The following RCBTB2 variants were observed in gnomAD, a reference collection of about 807,000 sequenced individuals.
RCBTB2 encodes the protein RCC1 and BTB domain-containing protein 2.
A neutral mutation model predicts 65.4 loss-of-function variants in RCBTB2; 55 were observed. The ratio of observed to expected loss-of-function variants is 0.84; its 90% CI spans 0.68 to 1.05. RCBTB2 has a LOEUF of 1.05. Ranked by LOEUF, RCBTB2 falls within the 50% of genes least tolerant of loss-of-function variation. The pLI, the probability that RCBTB2 is intolerant of heterozygous loss-of-function variation, is 0.00. For synonymous variants in RCBTB2, 220 were observed against 255.2 expected (o/e 0.86, Z 1.31); for missense variants, 599 against 680.1 (o/e 0.88, Z 1.33).
intron 4 of RCBTB2, among the ~76,000 whole-genome samples, chr13:48,521,429 TAAC>T (rs1362672848): frequency 6.6e-6 from 1 of 152,198 alleles, no homozygotes; most frequent in Non-Finnish European, 1.5e-5. Context: ...GTGAGGCTTT[TAAC>T]AACAACTGGA....
Position 48,510,697 on chromosome 13 carries a change from A to T in RCBTB2, c.858T>A (p.Tyr286Ter). ...GQVYAWGANS[Y>*]GQLGTGNKSN... ...TTTTATTGCCAGTGCCCAACTGCCC[A>T]TAAGAATTGGCGCCCCAAGCATACA... The change falls in exon 10 of 15, where the codon TAT (tyrosine) becomes TAA (stop). Residue 286 changes from tyrosine to a stop codon, truncating the protein, a stop_gained. Coordinates refer to ENST00000344532, the MANE Select transcript of RCBTB2 (RefSeq NM_001268.4). LOFTEE classifies it high-confidence loss of function. The T allele has an allele frequency of 1.2e-6, 2 of 1,614,228 alleles. No homozygotes were observed. Among genetic ancestry groups the T allele is most frequent in the South Asian group, 2.2e-5 (2 of 91,078 alleles).
chr13:48,521,782 C>T (rs1420282183), intron 4 of RCBTB2, 116 bp downstream of exon 4: 2 of 898,598 alleles, frequency 2.2e-6, no homozygotes, highest in Non-Finnish European at 3.6e-6. Context: ...CACTGTGAGC[C>T]CCTCAAAGAT....
At chr13:48,504,997 C>T (rs1475519698) in intron 10 of RCBTB2, among the ~76,000 whole-genome samples, 1 of 151,586 alleles carries the variant, frequency 6.6e-6, no homozygotes, top group Non-Finnish European at 1.5e-5. Flanking sequence ...CGATGGCCCA[C>T]AGTGGAGAGC....
chr13:48,489,787 G>T lies in RCBTB2; in HGVS notation c.*324C>A. ...TGTGGTATCAGCCAGCTGAATAATG[G>T]AACATTTGGGCCAGAATAGCATATA... On this transcript the variant is annotated 3_prime_UTR_variant, in exon 15 of 15. Coordinates refer to ENST00000344532, the MANE Select transcript of RCBTB2 (RefSeq NM_001268.4). 1 of 318,368 alleles carries T rather than the reference G, an allele frequency of 3.1e-6. No individual in the cohort carries two copies. Among genetic ancestry groups the T allele is most frequent in the Non-Finnish European group, 5.9e-6 (1 of 168,768 alleles). The allele number at this position is 318,368 out of a possible 1,614,324, so 19.7% of individuals were successfully genotyped here.
intron 10 of RCBTB2, chr13:48,504,426 A>G: frequency 1.6e-6 from 1 of 638,238 alleles, no homozygotes; most frequent in South Asian, 7.0e-5. Flanking sequence ...TTGACCTTCA[A>G]TGACTTCATA....
intron 6 of RCBTB2, among the ~76,000 whole-genome samples, 192 bp downstream of exon 6, chr13:48,515,013 C>T (rs9331992): frequency 0.011 from 1,691 of 152,324 alleles, 23 homozygotes; most frequent in African/African-American, 0.039. Context: ...ATTCATACAT[C>T]TAAAATGCCA....
rs907769165 is a variant in RCBTB2 at position 48,489,584 on chromosome 13, C to A, written c.*527G>T. On this transcript the variant is annotated 3_prime_UTR_variant, in exon 15 of 15. Coordinates refer to ENST00000344532, the MANE Select transcript of RCBTB2 (RefSeq NM_001268.4). ...AGAAGAATATGAACCTCAATAATTA[C>A]AGGCTGTTTTAAGTTTATTTTGTGA... 1 of 152,332 alleles carries A rather than the reference C, an allele frequency of 6.6e-6. No homozygotes were observed. The highest frequency in any genetic ancestry group is 2.4e-5 in the African/African-American group (1 of 41,454). 9.4% of individuals were successfully genotyped at this position (152,332 alleles called of 1,614,324 possible). A position where few individuals can be genotyped will look rare whatever the true frequency, so the allele number is the denominator to read the frequency against.
intron 1 of RCBTB2, among the ~76,000 whole-genome samples, chr13:48,527,247 T>C (rs1005997001): frequency 1.3e-4 from 18 of 140,518 alleles, no homozygotes; most frequent in African/African-American, 4.6e-4. Context: ...AGTAATATTA[T>C]CTTACTATCT....
In RCBTB2 at chr13:48,501,773, T is replaced by G; in HGVS notation, c.1213A>C (p.Ile405Leu). The change falls in exon 12 of 15, where the codon ATT (isoleucine) becomes CTT (leucine). Residue 405 changes from isoleucine (I) to leucine (L), a missense_variant. Transcript: ENST00000344532. ...TTGAGAAGGACTTTATGTGCATAAA[T>G]GTACTTTCCATCAACTAGAAACTTC... ...DLKFLVDGKY[I>L]YAHKVLLKIR... 6.2e-7 allele frequency: 1 copy of G among 1,613,146 alleles called. No individual in the cohort carries two copies. Among genetic ancestry groups the G allele is most frequent in the East Asian group, 2.2e-5 (1 of 44,882 alleles).
At chr13:48,511,968 G>A (rs1333899389) in intron 8 of RCBTB2, 48 bp downstream of exon 8, 52 of 1,607,420 alleles carry the variant, frequency 3.2e-5, no homozygotes, top group Non-Finnish European at 4.1e-5. Context: ...GCATGAGACT[G>A]ATGTGGCAAA....
intron 4 of RCBTB2, among the ~76,000 whole-genome samples, chr13:48,516,043 C>T (rs1951068491): frequency 6.6e-6 from 1 of 152,072 alleles, no homozygotes; most frequent in Non-Finnish European, 1.5e-5. Context: ...TAAATATTGG[C>T]TATGTCTTAA....
At chr13:48,501,907 G>C (rs748858195) in intron 11 of RCBTB2, 39 bp from the exon 12 acceptor site, 49 of 1,601,466 alleles carry the variant, frequency 3.1e-5, no homozygotes, top group Non-Finnish European at 4.1e-5. Flanking sequence ...GTTAGCTACA[G>C]ACATAATGAA....
chr13:48,535,375 C>T (rs890015620), upstream of RCBTB2, among the ~76,000 whole-genome samples: 3 of 151,916 alleles, frequency 2.0e-5, no homozygotes, highest in African/African-American at 7.3e-5. Flanking sequence ...CATGCCTAAG[C>T]CTCCCAAGTA....
intron 4 of RCBTB2, among the ~76,000 whole-genome samples, chr13:48,516,958 A>G (rs1480317683): frequency 6.6e-6 from 1 of 152,216 alleles, no homozygotes; most frequent in Admixed American, 6.5e-5. Context: ...TATTTAAAGC[A>G]ACAAAGATTT....
chr13:48,500,486 A>T (rs1950185686), intron 12 of RCBTB2, among the ~76,000 whole-genome samples: 1 of 152,200 alleles, frequency 6.6e-6, no homozygotes. Context: ...TGAACCTGGG[A>T]GGAGGAGGTT....
chr13:48,492,316 C>T (rs1230962589), intron 14 of RCBTB2: 1 of 152,344 alleles, frequency 6.6e-6, no homozygotes, highest in Non-Finnish European at 1.5e-5. Context: ...ACTGCTCCAC[C>T]TACTAAGGGG....
Position 48,489,923 on chromosome 13 carries a change from T to C in RCBTB2, c.*188A>G, listed in dbSNP as rs1204353727. The C allele has an allele frequency of 9.3e-6, 6 of 643,742 alleles. No homozygotes were observed. Among genetic ancestry groups the C allele is most frequent in the Non-Finnish European group, 1.6e-5 (6 of 368,246 alleles). The allele number at this position is 643,742 out of a possible 1,614,324, so 39.9% of individuals were successfully genotyped here. On this transcript the variant is annotated 3_prime_UTR_variant, in exon 15 of 15. Transcript: ENST00000344532. ...ACCTTAGTCACATCTGATCAGAACA[T>C]TCAATGCTTTCTACATAAACTCTGG...
At position 48,515,232 on chromosome 13, in the gene RCBTB2, C is replaced by A; in HGVS notation, c.322G>T (p.Gly108Cys). Reference sequence around the variant, plus strand: ...GTTGTTGCAAGGACAATATGTGGACCACTCCCATAGCTGAGGCAGGCTATT... The same window carrying A: ...GTTGTTGCAAGGACAATATGTGGACAACTCCCATAGCTGAGGCAGGCTATT... Reference protein sequence around the residue: ...KKIACLSYGSGPHIVLATTEG... With the variant: ...KKIACLSYGSCPHIVLATTEG... Residue 108 changes from glycine to cysteine, a missense_variant, in exon 6 of 15, where the codon GGT (glycine) becomes TGT (cysteine). By Grantham distance (159) the Gly-to-Cys change is radical. Transcript: ENST00000344532. 4 of 1,614,020 alleles carry A rather than the reference C, an allele frequency of 2.5e-6. No homozygotes were observed. The highest frequency in any genetic ancestry group is 3.4e-6 in the Non-Finnish European group (4 of 1,179,958).
chr13:48,512,916 A>C, intron 6 of RCBTB2, 21 bp from the exon 7 acceptor site: 1 of 1,594,414 alleles, frequency 6.3e-7, no homozygotes, highest in Non-Finnish European at 8.6e-7. Flanking sequence ...AAAGAAAGAC[A>C]ATCAGTTTTT....
Sources: allele counts gnomAD v4.1 joint callset (sites outside exome capture counted in the v4.1 genomes callset), GRCh38; gene constraint gnomAD v4.1.1; transcripts MANE v1.5; gene names NCBI Gene and HGNC (gene_info 2026-07-23, HGNC 2026-07-21).